GRID2: variants seen among roughly 807,000 people sequenced by gnomAD.
GRID2 encodes glutamate ionotropic receptor delta type subunit 2, also known as glutamate receptor ionotropic, delta-2.
Under a neutral mutation model 114.8 loss-of-function variants are expected in GRID2, and 33 were observed. The observed-to-expected ratio is 0.29, with a 90% CI of 0.22 to 0.38. The LOEUF is 0.38. Among genes scored for constraint, GRID2 ranks in the 10% least tolerant of loss-of-function variants. The probability of loss-of-function intolerance (pLI) is 1.00; values close to 1 mark genes in which losing one functional copy is unlikely to be tolerated. For synonymous variants in GRID2, 505 were observed against 449.9 expected (o/e 1.12, Z -1.55); for missense variants, 1,184 against 1,257.7 (o/e 0.94, Z 0.89).
intron 1 of GRID2, among the ~76,000 whole-genome samples, chr4:92,419,698 G>C (rs1731799893): frequency 6.6e-6 from 1 of 151,886 alleles, no homozygotes; most frequent in South Asian, 2.1e-4. Context: ...AAGATAGCAG[G>C]AAATTTCAAA....
chr4:92,669,668 T>G (rs1479332), intron 2 of GRID2, among the ~76,000 whole-genome samples: 3,250 of 152,122 alleles, frequency 0.021, 49 homozygotes, highest in Middle Eastern at 0.034. Flanking sequence ...CTGTTGAAAC[T>G]AATAGCGCCC....
chr4:92,700,758 C>A (rs1045659046), intron 2 of GRID2, among the ~76,000 whole-genome samples: 7 of 152,020 alleles, frequency 4.6e-5, no homozygotes, highest in Non-Finnish European at 1.0e-4. Flanking sequence ...TTTGGGAGAC[C>A]GAGGTGGGTG....
At chr4:93,179,265 T>C (rs1006222835) in intron 4 of GRID2, among the ~76,000 whole-genome samples, 4 of 152,240 alleles carry the variant, frequency 2.6e-5, no homozygotes, top group Non-Finnish European at 4.4e-5. Flanking sequence ...GCAGCCAGGG[T>C]AGATGGGAGT....
chr4:93,524,017 C>T (rs1034907644), intron 13 of GRID2, among the ~76,000 whole-genome samples: 1 of 151,930 alleles, frequency 6.6e-6, no homozygotes, highest in African/African-American at 2.4e-5. Context: ...AGTAAAAATG[C>T]CAAAGTAGAT....
intron 1 of GRID2, among the ~76,000 whole-genome samples, chr4:92,501,144 G>C (rs573258428): frequency 2.6e-5 from 4 of 152,168 alleles, no homozygotes; most frequent in African/African-American, 9.6e-5. Context: ...GAATGCATTC[G>C]GGAATTCTCA....
rs1405835192 is a variant in GRID2, at chr4:92,939,827, T to G, written c.245-145168T>G. ...GCACCATTAATTAAATAGGGAATCC[T>G]TTCCTCATTTCTTGTTTTTGTCAGG... On this transcript the variant is annotated intron_variant, in intron 2 of 15. Coordinates refer to ENST00000282020, the MANE Select transcript of GRID2 (RefSeq NM_001510.4). 2.7e-5 allele frequency among the ~76,000 whole-genome samples: 4 copies of G among 147,478 alleles called. 1 individual carries two copies. The highest frequency in any genetic ancestry group is 6.0e-5 in the Non-Finnish European group (4 of 66,616).
intron 14 of GRID2, among the ~76,000 whole-genome samples, chr4:93,745,411 G>T (rs542291498): frequency 6.6e-6 from 1 of 151,908 alleles, no homozygotes; most frequent in South Asian, 2.1e-4. Context: ...TTATTTCCTC[G>T]GTTTAACAAA....
intron 1 of GRID2, among the ~76,000 whole-genome samples, chr4:92,387,072 G>C (rs901435091): frequency 5.9e-5 from 9 of 151,734 alleles, no homozygotes; most frequent in African/African-American, 2.2e-4. Flanking sequence ...CACTATTGAT[G>C]GTCCGAAGCT....
intron 4 of GRID2, among the ~76,000 whole-genome samples, chr4:93,147,718 C>T (rs1028382298): frequency 6.6e-6 from 1 of 152,106 alleles, no homozygotes; most frequent in Non-Finnish European, 1.5e-5. Flanking sequence ...ATTGTCTTCT[C>T]TATAGGATCT....
chr4:92,801,629 C>A (rs183664249), intron 2 of GRID2, among the ~76,000 whole-genome samples: 1 of 151,582 alleles, frequency 6.6e-6, no homozygotes, highest in East Asian at 1.9e-4. Context: ...TCTTTACATG[C>A]GAATACTTAT....
chr4:92,541,643 A>G (rs1038508321), intron 1 of GRID2, among the ~76,000 whole-genome samples: 17 of 152,170 alleles, frequency 1.1e-4, no homozygotes, highest in Non-Finnish European at 1.8e-4. Flanking sequence ...TAAAACATGT[A>G]TAATTAATAT....
At chr4:92,902,367 A>C (rs1578423868) in intron 2 of GRID2, among the ~76,000 whole-genome samples, 2 of 152,068 alleles carry the variant, frequency 1.3e-5, no homozygotes, top group East Asian at 3.9e-4. Context: ...GTGGTCTATC[A>C]GTTTTGTTCA....
chr4:93,628,812 C>T (rs1742975013), intron 14 of GRID2, among the ~76,000 whole-genome samples: 1 of 148,020 alleles, frequency 6.8e-6, no homozygotes, highest in Admixed American at 6.8e-5. Flanking sequence ...GTCACCCAGG[C>T]TGCAGTGCAG....
At chr4:93,107,714 G>A (rs1020644536) in intron 3 of GRID2, among the ~76,000 whole-genome samples, 2 of 151,750 alleles carry the variant, frequency 1.3e-5, no homozygotes, top group African/African-American at 4.8e-5. Flanking sequence ...GGCTGGTCTC[G>A]AACTCCTGGC....
chr4:93,275,113 T>A (rs1212795783), intron 8 of GRID2, among the ~76,000 whole-genome samples: 2 of 151,942 alleles, frequency 1.3e-5, no homozygotes, highest in African/African-American at 4.8e-5. Context: ...ATCTACTTTA[T>A]CTTTCTATGA....
Position 92,937,076 on chromosome 4 carries a change from A to C in GRID2, c.245-147919A>C, listed in dbSNP as rs928092142. 2.0e-5 allele frequency among the ~76,000 whole-genome samples: 3 copies of C among 146,518 alleles called. 1 individual carries two copies. The highest frequency in any genetic ancestry group is 7.3e-5 in the African/African-American group (3 of 41,156). ...TGTGAAAGTTCTTTATACTTTCTGCATACTAGGCGGTTATCAGATATAAGA... is the reference window on the plus strand; with the variant it reads ...TGTGAAAGTTCTTTATACTTTCTGCCTACTAGGCGGTTATCAGATATAAGA... On this transcript the variant is annotated intron_variant, in intron 2 of 15. Transcript: ENST00000282020.
At chr4:93,601,124 T>C (rs1240311516) in intron 13 of GRID2, among the ~76,000 whole-genome samples, 1 of 152,218 alleles carries the variant, frequency 6.6e-6, no homozygotes, top group Non-Finnish European at 1.5e-5. Flanking sequence ...AATTTGAGAC[T>C]CAAAATCTGT....
intron 8 of GRID2, among the ~76,000 whole-genome samples, chr4:93,251,886 A>T (rs929457230): frequency 2.6e-5 from 4 of 152,210 alleles, no homozygotes; most frequent in Non-Finnish European, 5.9e-5. Context: ...TATGTACCAC[A>T]TGGGCATTTA....
intron 9 of GRID2, among the ~76,000 whole-genome samples, chr4:93,409,281 A>C (rs1183699978): frequency 6.6e-6 from 1 of 152,150 alleles, no homozygotes; most frequent in Non-Finnish European, 1.5e-5. Context: ...TTGGTATAGC[A>C]ACTTAAAAAA....
Sources: gnomAD v4.1 joint callset for allele counts (sites outside exome capture counted in the v4.1 genomes callset) on GRCh38, gnomAD v4.1.1 for gene constraint, MANE v1.5 for transcripts, NCBI Gene and HGNC (gene_info 2026-07-23, HGNC 2026-07-21) for gene names.